The following SPON2 variants were observed in gnomAD, a reference collection of about 807,000 sequenced individuals.
SPON2 encodes the protein spondin 2.
In SPON2, 32 loss-of-function variants were observed where a neutral mutation model predicts 29.9. That is an observed-to-expected ratio of 1.07 (90% CI 0.81 to 1.44). The LOEUF (loss-of-function observed/expected upper bound fraction) is 1.44, where lower values mean the gene tolerates loss of function less well. Ranked by LOEUF, SPON2 falls within the 40% of genes most tolerant of loss-of-function variation. The probability of loss-of-function intolerance (pLI) is 0.00; values close to 1 mark genes in which losing one functional copy is unlikely to be tolerated. For missense variants in SPON2, 541 were observed against 455.5 expected, an observed-to-expected ratio of 1.19 and a Z score of -1.71; for synonymous variants, 248 against 209.1, an observed-to-expected ratio of 1.19 and a Z score of -1.61.
At chr4:1,174,838 T>C (rs1020824768), upstream of SPON2, among the ~76,000 whole-genome samples, 15 of 152,238 alleles carry the variant, frequency 9.9e-5, no homozygotes, top group African/African-American at 2.4e-5. Context: ...TGAGATGTGC[T>C]GTTGGTTGAA....
At chr4:1,205,996 C>T (rs559176720) in intron 1 of SPON2, among the ~76,000 whole-genome samples, 23 of 151,848 alleles carry the variant, frequency 1.5e-4, no homozygotes, top group Non-Finnish European at 2.7e-4. Context: ...GGCCCCCAAC[C>T]CTGACCAGGG....
At chr4:1,176,454 C>CTCACACAGTACATTCAT (rs1727596436), upstream of SPON2, among the ~76,000 whole-genome samples, 1 of 151,714 alleles carries the variant, frequency 6.6e-6, no homozygotes, top group South Asian at 2.1e-4. Flanking sequence ...CATTCACTCA[C>CTCACACAGTACATTCAT]TCACACAGTA....
At chr4:1,203,952 C>G (rs1728277246) in intron 1 of SPON2, among the ~76,000 whole-genome samples, 1 of 152,280 alleles carries the variant, frequency 6.6e-6, no homozygotes, top group Non-Finnish European at 1.5e-5. Context: ...CTCACTGCAA[C>G]CTCTGCCTCC....
Position 1,167,368 on chromosome 4 carries a change from G to T in SPON2, c.*104C>A. On this transcript the variant is annotated 3_prime_UTR_variant, in exon 6 of 6. Coordinates refer to ENST00000290902, the MANE Select transcript of SPON2 (RefSeq NM_012445.4). ...CGCGGCCTCACCGCGGTCAGGAGCAGCGCGAAACCCCCTGTGCCCTCGGCC... is the reference window on the plus strand; with the variant it reads ...CGCGGCCTCACCGCGGTCAGGAGCATCGCGAAACCCCCTGTGCCCTCGGCC... 1 of 1,249,830 alleles carries T rather than the reference G, an allele frequency of 8.0e-7. No individual in the cohort carries two copies. Among genetic ancestry groups the T allele is most frequent in the Non-Finnish European group, 1.1e-6 (1 of 899,168 alleles). The allele number at this position is 1,249,830 out of a possible 1,614,324, so 77.4% of individuals were successfully genotyped here.
At chr4:1,187,192 A>G (rs1290265607) in intron 1 of SPON2, among the ~76,000 whole-genome samples, 1 of 152,266 alleles carries the variant, frequency 6.6e-6, no homozygotes, top group Non-Finnish European at 1.5e-5. Flanking sequence ...AGGAAATTTC[A>G]CCTTACAAAG....
In SPON2 at chr4:1,202,966, C is replaced by T. The variant is rs897271829; in HGVS notation, c.-234+4914G>A. 1.3e-5 allele frequency among the ~76,000 whole-genome samples: 2 copies of T among 152,190 alleles called. No homozygotes were observed. Among genetic ancestry groups the T allele is most frequent in the African/African-American group, 4.8e-5 (2 of 41,446 alleles). ...AGACCCAGGCAGGCAGTGAGCTCTG[C>T]GGTCCCAAAGGTGCCCCAGGGTCTC... On this transcript the variant is annotated intron_variant, in intron 1 of 3. Coordinates refer to the SPON2 transcript ENST00000509233. This position sits in a 1 kb window ranked among gnomAD's most constrained non-coding sequence, Gnocchi z 5.4.
At chr4:1,167,917 A>C in intron 5 of SPON2, 1 of 404,896 alleles carries the variant, frequency 2.5e-6, no homozygotes, top group Non-Finnish European at 4.4e-6. Context: ...TGGTGGTGGA[A>C]CTCCCACATC....
chr4:1,194,489 CG>C (rs144944121), intron 1 of SPON2, among the ~76,000 whole-genome samples: 4,681 of 152,238 alleles, frequency 0.031, 273 homozygotes, highest in African/African-American at 0.11. Context: ...GAAGCCGGGC[CG>C]CGGTAGCGCA....
At chr4:1,198,144 G>C (rs1299783637), upstream of SPON2, among the ~76,000 whole-genome samples, 1 of 152,096 alleles carries the variant, frequency 6.6e-6, no homozygotes, top group African/African-American at 2.4e-5. Flanking sequence ...GGAAGAAAGA[G>C]ACCCCAGTAT....
intron 1 of SPON2, among the ~76,000 whole-genome samples, chr4:1,206,042 C>A (rs936241431): frequency 6.6e-6 from 1 of 152,094 alleles, no homozygotes; most frequent in South Asian, 2.1e-4. Flanking sequence ...TGGGAGGAGG[C>A]CACGCCCAGC....
chr4:1,194,117 C>T (rs1331175623), intron 1 of SPON2, among the ~76,000 whole-genome samples: 2 of 152,088 alleles, frequency 1.3e-5, no homozygotes, highest in Non-Finnish European at 2.9e-5. Flanking sequence ...CGGGGAGCTG[C>T]GGCCAGACTT....
intron 1 of SPON2, among the ~76,000 whole-genome samples, chr4:1,181,692 G>A (rs530496377): frequency 5.3e-5 from 8 of 152,274 alleles, no homozygotes; most frequent in South Asian, 4.1e-4. Context: ...CAGCCCCAGC[G>A]CAGACAGTTA....
rs1014889547 is a variant in SPON2, at chr4:1,170,754, A to C, written c.637-178T>G. On this transcript the variant is annotated intron_variant, in intron 4 of 5. Coordinates refer to ENST00000290902, the MANE Select transcript of SPON2 (RefSeq NM_012445.4). ...GGAACACGGGCTGGAAACCGAGGCC[A>C]GGAAGGGGCAGCCTCCTCGGGACGC... 1.6e-5 allele frequency: 16 copies of C among 992,350 alleles called. No homozygotes were observed. The Admixed American group carries it at 2.0e-4, about 12-fold the overall frequency. The allele number at this position is 992,350 out of a possible 1,614,324, so 61.5% of individuals were successfully genotyped here.
rs998840126 is a variant in SPON2 at position 1,170,984 on chromosome 4, G to T, written c.636+15C>A. On this transcript the variant is annotated intron_variant, in intron 4 of 5. Transcript: ENST00000290902. ...GGGCCATAGCGGCCCTTGCGCACGC[G>T]GGGTGCCCACTCACCTCGGTCACCG... 2.6e-6 allele frequency: 4 copies of T among 1,546,390 alleles called. No homozygotes were observed. In the African/African-American group the frequency reaches 5.5e-5, roughly 21 times the overall value.
upstream of SPON2, among the ~76,000 whole-genome samples, chr4:1,175,504 G>A (rs190791032): frequency 6.2e-3 from 944 of 151,920 alleles, 12 homozygotes; most frequent in African/African-American, 0.021. Flanking sequence ...GATGTAGGGC[G>A]GTGGTGGGCC....
upstream of SPON2, among the ~76,000 whole-genome samples, chr4:1,198,480 T>C (rs1490798836): frequency 6.6e-6 from 1 of 152,122 alleles, no homozygotes; most frequent in Non-Finnish European, 1.5e-5. Context: ...AAAAACCTGA[T>C]GTGGAACAAA....
chr4:1,202,835 G>A lies in SPON2; in HGVS notation c.-234+5045C>T, dbSNP rs930639812. 1.3e-5 allele frequency among the ~76,000 whole-genome samples: 2 copies of A among 152,188 alleles called. No homozygotes were observed. The highest frequency in any genetic ancestry group is 2.4e-5 in the African/African-American group (1 of 41,450). On this transcript the variant is annotated intron_variant, in intron 1 of 3. Coordinates refer to the SPON2 transcript ENST00000509233. The surrounding 1 kb of genome is among the most constrained non-coding windows in gnomAD (Gnocchi z 5.4). ...GCAGTGTCAGCGCCCCGTGGATGCC[G>A]TCAAGGCCCCCCGCATGTGCCTTTG...
In SPON2 at chr4:1,170,583, A is replaced by G; in HGVS notation, c.637-7T>C. 1.3e-5 allele frequency: 21 copies of G among 1,601,994 alleles called. No individual in the cohort carries two copies. The highest frequency in any genetic ancestry group is 1.7e-5 in the Non-Finnish European group (20 of 1,175,868). ...TGGGAGAGGAGGACGTTATCTGGGG[A>G]GGAAGAAGAGGAGGTTGGCCTGGGG... is the stretch of plus-strand genomic sequence containing the variant. On this transcript the variant is annotated splice_region_variant and splice_polypyrimidine_tract_variant and intron_variant, in intron 4 of 5. Coordinates refer to ENST00000290902, the MANE Select transcript of SPON2 (RefSeq NM_012445.4).
chr4:1,203,139 C>T (rs989875575), intron 1 of SPON2, among the ~76,000 whole-genome samples: 1 of 152,234 alleles, frequency 6.6e-6, no homozygotes, highest in African/African-American at 2.4e-5. Context: ...GCACCTGGAT[C>T]TTGGACTCCC....
Sources: gnomAD v4.1 joint callset for allele counts (sites outside exome capture counted in the v4.1 genomes callset) on GRCh38, gnomAD v4.1.1 for gene constraint, Gnocchi (gnomAD v3.1) non-coding constraint, MANE v1.5 for transcripts, NCBI Gene and HGNC (gene_info 2026-07-23, HGNC 2026-07-21) for gene names.